CDH13: variants seen among roughly 807,000 people sequenced by gnomAD.
CDH13 encodes the protein cadherin 13, also known as cadherin-13.
In CDH13, 24 loss-of-function variants were observed where a neutral mutation model predicts 63.8. The ratio of observed to expected loss-of-function variants is 0.38; its 90% CI spans 0.27 to 0.53. The LOEUF (loss-of-function observed/expected upper bound fraction) is 0.53, where lower values mean the gene tolerates loss of function less well. CDH13 is among the 20% of genes least tolerant of loss of function. The probability of loss-of-function intolerance (pLI) is 0.85; values close to 1 mark genes in which losing one functional copy is unlikely to be tolerated. For missense variants in CDH13, 1,049 were observed against 903.1 expected (o/e 1.16, Z -2.07); for synonymous variants, 503 against 355.3 (o/e 1.42, Z -4.67).
intron 1 of CDH13, among the ~76,000 whole-genome samples, chr16:82,677,588 A>T (rs528011136): frequency 6.6e-6 from 1 of 152,194 alleles, no homozygotes; most frequent in Non-Finnish European, 1.5e-5. Flanking sequence ...TTCTTTCAAC[A>T]GTGAGGAAAT....
chr16:83,479,797 C>T (rs376509222), intron 6 of CDH13, among the ~76,000 whole-genome samples: 2 of 152,192 alleles, frequency 1.3e-5, no homozygotes, highest in African/African-American at 4.8e-5. Flanking sequence ...GGGTTTATCA[C>T]ATCAGATGTA....
chr16:83,591,513 G>A (rs1272268945), intron 7 of CDH13, among the ~76,000 whole-genome samples: 1 of 152,160 alleles, frequency 6.6e-6, no homozygotes, highest in African/African-American at 2.4e-5. Context: ...GGCCTCGAAG[G>A]TACTTTTGAG....
intron 2 of CDH13, among the ~76,000 whole-genome samples, chr16:82,964,816 G>A (rs111833153): frequency 0.024 from 3,643 of 152,228 alleles, 123 homozygotes; most frequent in African/African-American, 0.073. Context: ...CAGTCCTGTC[G>A]AAATGACTGA....
chr16:83,298,521 C>T (rs148282657), intron 5 of CDH13, among the ~76,000 whole-genome samples: 1 of 152,174 alleles, frequency 6.6e-6, no homozygotes, highest in African/African-American at 2.4e-5. Context: ...GCAAGCTCCT[C>T]ATTTCCTTTT....
At chr16:83,084,116 A>T (rs2033432329) in intron 3 of CDH13, among the ~76,000 whole-genome samples, 2 of 152,300 alleles carry the variant, frequency 1.3e-5, no homozygotes, top group Admixed American at 6.5e-5. Context: ...GTCAATTTGG[A>T]TGTTATAGGT....
chr16:83,318,113 G>C (rs1326883477), intron 5 of CDH13, among the ~76,000 whole-genome samples: 2 of 152,168 alleles, frequency 1.3e-5, no homozygotes, highest in South Asian at 4.1e-4. Context: ...AGATTGAAAA[G>C]ATCCAGTATT....
At chr16:83,251,379 A>G (rs578066687) in intron 5 of CDH13, among the ~76,000 whole-genome samples, 1 of 152,286 alleles carries the variant, frequency 6.6e-6, no homozygotes, top group African/African-American at 2.4e-5. Context: ...GAGTTCTAGC[A>G]TTGCCCCATT....
chr16:82,636,832 G>A (rs1285713045), intron 1 of CDH13, among the ~76,000 whole-genome samples: 3 of 152,138 alleles, frequency 2.0e-5, no homozygotes, highest in African/African-American at 7.2e-5. Flanking sequence ...CTCCCGTCAT[G>A]GGCAATTTGA....
intron 1 of CDH13, among the ~76,000 whole-genome samples, chr16:82,723,719 T>C (rs1239852156): frequency 6.6e-6 from 1 of 152,218 alleles, no homozygotes; most frequent in Non-Finnish European, 1.5e-5. Flanking sequence ...CAATGTTCAC[T>C]TGTTGAAATT....
intron 7 of CDH13, among the ~76,000 whole-genome samples, chr16:83,590,710 C>T (rs748168800): frequency 1.5e-4 from 23 of 152,096 alleles, no homozygotes; most frequent in Admixed American, 7.2e-4. Context: ...TCTAAGGGTA[C>T]ATCTTGACCT....
chr16:82,904,948 C>G (rs112887773), intron 2 of CDH13, among the ~76,000 whole-genome samples: 1 of 151,708 alleles, frequency 6.6e-6, no homozygotes, highest in East Asian at 1.9e-4. Flanking sequence ...TAAATGAACC[C>G]AGGTTTCTCC....
chr16:83,022,698 A>C (rs1226929745), intron 2 of CDH13, among the ~76,000 whole-genome samples: 1 of 152,146 alleles, frequency 6.6e-6, no homozygotes, highest in African/African-American at 2.4e-5. Flanking sequence ...ATTCATATGC[A>C]TCCTTGCACA....
chr16:83,318,669 T>G (rs2090156849), intron 5 of CDH13, among the ~76,000 whole-genome samples: 1 of 152,180 alleles, frequency 6.6e-6, no homozygotes, highest in Non-Finnish European at 1.5e-5. Flanking sequence ...CTTCCTCCTG[T>G]GGCCTACGGA....
intron 1 of CDH13, among the ~76,000 whole-genome samples, chr16:82,813,871 G>A (rs1318429700): frequency 6.6e-6 from 1 of 152,158 alleles, no homozygotes; most frequent in African/African-American, 2.4e-5. Flanking sequence ...AGATGATTGT[G>A]GGACCTTGAA....
chr16:83,518,670 A>T (rs1459298469), intron 7 of CDH13, among the ~76,000 whole-genome samples: 1 of 148,538 alleles, frequency 6.7e-6, no homozygotes, highest in Non-Finnish European at 1.5e-5. Flanking sequence ...ACAGGGTTTC[A>T]CCATGTTAGC....
chr16:83,075,917 G>C (rs555612102), intron 3 of CDH13, among the ~76,000 whole-genome samples: 1 of 152,118 alleles, frequency 6.6e-6, no homozygotes, highest in Non-Finnish European at 1.5e-5. Flanking sequence ...AAACACATAC[G>C]AGGAGCTACA....
intron 11 of CDH13, among the ~76,000 whole-genome samples, chr16:83,753,215 T>C (rs1049613968): frequency 6.6e-6 from 1 of 152,222 alleles, no homozygotes; most frequent in Non-Finnish European, 1.5e-5. Flanking sequence ...TCTAGTATTA[T>C]GTTTAACCCG....
intron 5 of CDH13, among the ~76,000 whole-genome samples, chr16:83,229,218 A>G (rs2039934395): frequency 6.6e-6 from 1 of 152,180 alleles, no homozygotes; most frequent in Admixed American, 6.5e-5. Flanking sequence ...ATAACATTCA[A>G]ATTGTCATGA....
At chr16:83,606,625 G>T (rs1908355669) in intron 8 of CDH13, among the ~76,000 whole-genome samples, 1 of 151,764 alleles carries the variant, frequency 6.6e-6, no homozygotes, top group Admixed American at 6.6e-5. Flanking sequence ...TACCTGGGAG[G>T]CTGCGGTAGG....
Sources: allele counts gnomAD v4.1 joint callset (sites outside exome capture counted in the v4.1 genomes callset), GRCh38; gene constraint gnomAD v4.1.1; transcripts MANE v1.5; gene names NCBI Gene and HGNC (gene_info 2026-07-23, HGNC 2026-07-21).